CTPS2: variants seen among roughly 807,000 people sequenced by gnomAD.
CTPS2 encodes the protein CTP synthase II.
In CTPS2, 19 loss-of-function variants were observed where a neutral mutation model predicts 46.8. The observed-to-expected ratio is 0.41, with a 90% CI of 0.28 to 0.60. The LOEUF is 0.60. Among genes scored for constraint, CTPS2 ranks in the 20% least tolerant of loss-of-function variants. CTPS2 has a pLI of 0.35. For synonymous variants in CTPS2, 151 were observed against 165.2 expected (o/e 0.91, Z 0.66); for missense variants, 286 against 447.6 (o/e 0.64, Z 3.26).
At chrX:16,678,023 A>G (rs1922425188) in intron 10 of CTPS2, among the ~76,000 whole-genome samples, 1 of 112,034 alleles carries the variant, frequency 8.9e-6, no homozygotes, top group Non-Finnish European at 1.9e-5. Context: ...AAAAGCTGTC[A>G]TTCTTGTACT....
At chrX:16,611,483 G>A (rs1602134722) in intron 16 of CTPS2, among the ~76,000 whole-genome samples, 1 of 99,294 alleles carries the variant, frequency 1.0e-5, no homozygotes, top group East Asian at 3.2e-4. Flanking sequence ...AAAAAACTGC[G>A]CATGTACTCC....
intron 10 of CTPS2, among the ~76,000 whole-genome samples, chrX:16,675,944 G>C (rs1338829337): frequency 9.0e-6 from 1 of 110,936 alleles, no homozygotes; most frequent in Non-Finnish European, 1.9e-5. Flanking sequence ...TTTATTTTTC[G>C]GAGTCAAGAA....
chrX:16,660,100 G>A (rs1206761207), intron 13 of CTPS2, among the ~76,000 whole-genome samples: 2 of 112,038 alleles, frequency 1.8e-5, no homozygotes, highest in African/African-American at 6.5e-5. Context: ...GGATCATATG[G>A]TAGTTCTATT....
In CTPS2 at chrX:16,697,312, G is replaced by A. The variant is rs141604560; in HGVS notation, c.438+924C>T. Among the ~76,000 whole-genome samples the A allele has an allele frequency of 7.3e-5, 8 of 110,277 alleles. No homozygotes were observed. In the East Asian group the frequency reaches 2.3e-3, roughly 31 times the overall value. On this transcript the variant is annotated intron_variant, in intron 4 of 18. Transcript: ENST00000359276. ...AAATTGGTCATTATTCTGCTCTTTC[G>A]CCCGGCAATTAAGCCAACTGACATT...
At chrX:16,691,032 T>C (rs1247027266) in intron 7 of CTPS2, among the ~76,000 whole-genome samples, 1 of 112,690 alleles carries the variant, frequency 8.9e-6, no homozygotes. Flanking sequence ...ACACCCACCC[T>C]GGTACTGGGC....
chrX:16,673,489 T>G (rs1346902594), intron 10 of CTPS2, among the ~76,000 whole-genome samples: 2 of 111,355 alleles, frequency 1.8e-5, no homozygotes, highest in Non-Finnish European at 3.8e-5. Context: ...CAATTCCTAG[T>G]TTAGGGGATA....
chrX:16,594,238 T>G (rs767944158), intron 17 of CTPS2, among the ~76,000 whole-genome samples: 1 of 111,270 alleles, frequency 9.0e-6, no homozygotes, highest in East Asian at 2.8e-4. Flanking sequence ...TTCATTTCCT[T>G]GCGTGCCAGA....
intron 13 of CTPS2, among the ~76,000 whole-genome samples, chrX:16,651,966 T>C (rs1371836573): frequency 1.9e-5 from 2 of 106,797 alleles, no homozygotes; most frequent in South Asian, 4.4e-4. Flanking sequence ...GGGAGAGAGA[T>C]TGGGCTCAAC....
chrX:16,623,832 G>A (rs1467175158), intron 14 of CTPS2, among the ~76,000 whole-genome samples: 2 of 76,809 alleles, frequency 2.6e-5, no homozygotes, highest in African/African-American at 1.1e-4. Context: ...TTTCTGAGAC[G>A]GAGTCTCACT....
chrX:16,623,883 C>T (rs1165160861), intron 14 of CTPS2, among the ~76,000 whole-genome samples: 2 of 91,488 alleles, frequency 2.2e-5, no homozygotes, highest in Non-Finnish European at 4.2e-5. Flanking sequence ...TCTCAGCTCA[C>T]TGCAACCTCC....
At chrX:16,657,189 C>CTTTT (rs770294993) in intron 13 of CTPS2, among the ~76,000 whole-genome samples, 1 of 84,645 alleles carries the variant, frequency 1.2e-5, no homozygotes, top group Non-Finnish European at 2.3e-5. Flanking sequence ...CATGCCCGGC[C>CTTTT]TTTTTTTTTT....
intron 14 of CTPS2, among the ~76,000 whole-genome samples, chrX:16,627,357 C>T (rs968363693): frequency 8.9e-6 from 1 of 112,144 alleles, no homozygotes; most frequent in Middle Eastern, 4.2e-3. Flanking sequence ...TGTTGTATTT[C>T]GCTTGCAGAG....
At chrX:16,631,380 G>A (rs949388749) in intron 14 of CTPS2, among the ~76,000 whole-genome samples, 3 of 110,070 alleles carry the variant, frequency 2.7e-5, no homozygotes, top group Non-Finnish European at 5.7e-5. Context: ...TTAGCCAGGC[G>A]TGGTGGCATG....
intron 13 of CTPS2, among the ~76,000 whole-genome samples, chrX:16,650,780 G>A (rs1339172950): frequency 9.1e-6 from 1 of 110,112 alleles, no homozygotes; most frequent in East Asian, 2.9e-4. Flanking sequence ...CAAAGTGCTG[G>A]GATTACAGGC....
chrX:16,678,376 C>T lies in CTPS2; in HGVS notation c.1080G>A (p.Lys360=). The T allele has an allele frequency of 8.4e-7, 1 of 1,196,385 alleles. No homozygotes were observed. Among genetic ancestry groups the T allele is most frequent in the Non-Finnish European group, 1.1e-6 (1 of 883,344 alleles). ...CTGGTACTCACTCAGCTTTGCATAG[C>T]TTCTGCCAAGCTTCATGAAATTTCA... ...DPVKFHEAWQ[K]LCKADGILVP... The change falls in exon 10 of 19, where the codon AAG becomes AAA. Residue 360 remains lysine, a synonymous_variant. Transcript: ENST00000359276.
intron 10 of CTPS2, among the ~76,000 whole-genome samples, chrX:16,677,753 C>T (rs1221980655): frequency 9.0e-6 from 1 of 111,602 alleles, no homozygotes; most frequent in African/African-American, 3.3e-5. Flanking sequence ...TGAGAGTGAC[C>T]TCTGGTCATC....
intron 7 of CTPS2, among the ~76,000 whole-genome samples, chrX:16,691,241 C>T (rs1923669781): frequency 8.9e-6 from 1 of 111,923 alleles, no homozygotes; most frequent in Non-Finnish European, 1.9e-5. Context: ...ATTGCTTGAA[C>T]CCAGGAGGCA....
intron 15 of CTPS2, among the ~76,000 whole-genome samples, chrX:16,619,170 C>T (rs1930689694): frequency 8.9e-6 from 1 of 112,257 alleles, no homozygotes; most frequent in Non-Finnish European, 1.9e-5. Context: ...GCCTACTTGG[C>T]ATTGATTCCC....
intron 17 of CTPS2, among the ~76,000 whole-genome samples, chrX:16,601,577 G>A (rs1023627603): frequency 3.0e-5 from 3 of 101,495 alleles, no homozygotes; most frequent in Admixed American, 1.0e-4. Flanking sequence ...GCCATCGGGG[G>A]GGGGGGGGTT....
Sources: gnomAD v4.1 joint callset for allele counts (sites outside exome capture counted in the v4.1 genomes callset) on GRCh38, gnomAD v4.1.1 for gene constraint, MANE v1.5 for transcripts, NCBI Gene and HGNC (gene_info 2026-07-23, HGNC 2026-07-21) for gene names.